Variants in CES4A observed in about 807,000 individuals in gnomAD.
The protein encoded by CES4A is carboxylesterase 4A.
CES4A carries 48 observed loss-of-function variants against 65.4 expected under a neutral mutation model. The ratio of observed to expected loss-of-function variants is 0.73; its 90% CI spans 0.58 to 0.93. The LOEUF (loss-of-function observed/expected upper bound fraction) is 0.93, where lower values mean the gene tolerates loss of function less well. Among genes scored for constraint, CES4A ranks in the 40% least tolerant of loss-of-function variants. CES4A has a pLI of 0.00. For synonymous variants in CES4A, 247 were observed against 281.8 expected, an observed-to-expected ratio of 0.88 and a Z score of 1.24; for missense variants, 685 against 728.5, an observed-to-expected ratio of 0.94 and a Z score of 0.69.
At chr16:66,995,040 G>A (rs1197167041) in intron 1 of CES4A, among the ~76,000 whole-genome samples, 2 of 149,950 alleles carry the variant, frequency 1.3e-5, no homozygotes, top group East Asian at 2.0e-4. Flanking sequence ...GGCCGGGCGT[G>A]GTGGCTCACA....
exon 9 of CES4A, chr16:67,004,190 T>G (rs2145649756): frequency 1.2e-6 from 2 of 1,614,186 alleles, no homozygotes; most frequent in East Asian, 4.5e-5. Flanking sequence ...CTTCTAGGTG[T>G]CAACAACCTG....
intron 13 of CES4A, chr16:67,007,537 A>G (rs1320222418): frequency 6.6e-6 from 1 of 152,092 alleles, no homozygotes; most frequent in Non-Finnish European, 1.5e-5. Context: ...AAGTGCTGGG[A>G]TTACAGGCAT....
At chr16:67,006,236 G>A (rs1208806316) in intron 11 of CES4A, 155 bp from the exon 12 acceptor site, 2 of 696,146 alleles carry the variant, frequency 2.9e-6, no homozygotes, top group African/African-American at 1.8e-5. Context: ...GTCACACAGT[G>A]AATGAGTAGT....
At chr16:66,996,096 G>A in intron 2 of CES4A, 1 of 560,452 alleles carries the variant, frequency 1.8e-6, no homozygotes, top group South Asian at 1.5e-5. Context: ...GGAGTGCAGT[G>A]GCACGATCTC....
At chr16:67,008,223 A>C (rs1388237311) in intron 13 of CES4A, 1 of 152,122 alleles carries the variant, frequency 6.6e-6, no homozygotes, top group African/African-American at 2.4e-5. Flanking sequence ...ACCCAGCCCA[A>C]GGGGTCTTTC....
intron 1 of CES4A, 80 bp from the exon 2 acceptor site, chr16:66,995,548 T>A: frequency 4.8e-6 from 6 of 1,252,082 alleles, no homozygotes; most frequent in Non-Finnish European, 7.0e-6. Context: ...TGGTCCCATT[T>A]GTGGCTGAGT....
intron 9 of CES4A, 115 bp from the exon 10 acceptor site, chr16:67,004,678 G>T: frequency 1.3e-6 from 1 of 790,440 alleles, no homozygotes; most frequent in Non-Finnish European, 2.1e-6. Context: ...GCTGTGTGCT[G>T]TGTCTGATAA....
rs537538592 is a variant in CES4A, at chr16:67,000,652, C to A, written c.275C>A (p.Ser92Tyr). 1.3e-6 allele frequency: 2 copies of A among 1,548,766 alleles called. No individual in the cohort carries two copies. The highest frequency in any genetic ancestry group is 1.7e-6 in the Non-Finnish European group (2 of 1,146,360). Residue 92 changes from serine to tyrosine, a missense_variant, in exon 3 of 14, where the codon TCC becomes TAC. Ser to Tyr is a moderately radical substitution (Grantham distance 144, BLOSUM62 -2). Coordinates refer to ENST00000648724, the Ensembl canonical transcript of CES4A. The surrounding 1 kb of genome is among the most constrained non-coding windows in gnomAD (Gnocchi z 4.2). ...GGTGCCCGCAGGTGCCTGCAGGAGT[C>A]CTGGGGCCAGCTGGCCTCGATGTAC...
In CES4A at chr16:66,994,840, A is replaced by C. The variant is rs920657569; in HGVS notation, c.59-788A>C. On this transcript the variant is annotated intron_variant, in intron 1 of 13. Coordinates refer to ENST00000648724, the Ensembl canonical transcript of CES4A. ...GGCAAAAACAGCGAAACTCCATCTCAAAAAAAAAAAAAAATTAGCCAGGCG... is the reference window on the plus strand; with the variant it reads ...GGCAAAAACAGCGAAACTCCATCTCCAAAAAAAAAAAAAATTAGCCAGGCG... Among the ~76,000 whole-genome samples, 99 of 88,368 alleles carry C rather than the reference A, an allele frequency of 1.1e-3. 2 individuals are homozygous for C. Among genetic ancestry groups the C allele is most frequent in the East Asian group, 7.5e-4 (2 of 2,664 alleles). 58.0% of individuals were successfully genotyped at this position (88,368 alleles called of 152,430 possible). A position where few individuals can be genotyped will look rare whatever the true frequency, so the allele number is the denominator to read the frequency against.
intron 1 of CES4A, 84 bp from the exon 2 acceptor site, chr16:66,995,544 C>T (rs1964771203): frequency 1.7e-6 from 2 of 1,196,110 alleles, no homozygotes; most frequent in Non-Finnish European, 2.5e-6. Context: ...GCCTTGGTCC[C>T]ATTTGTGGCT....
In CES4A at chr16:67,005,237, CAG is replaced by C; in HGVS notation, c.1162-1_1162del. On this transcript the variant is annotated splice_acceptor_variant, in intron 10 of 13. Transcript: ENST00000648724. LOFTEE classifies it high-confidence loss of function. ...CTCAGGTAAGTGTGGCCTCCTCACT[CAG>C]AATATCACCAAGGAGCAGGTACCAC... is the stretch of plus-strand genomic sequence containing the variant. 2 of 1,614,078 alleles carry C rather than the reference CAG, an allele frequency of 1.2e-6. No homozygotes were observed. The highest frequency in any genetic ancestry group is 1.7e-6 in the Non-Finnish European group (2 of 1,180,012).
chr16:66,991,126 G>A (rs911103748), intron 1 of CES4A, among the ~76,000 whole-genome samples: 2 of 152,136 alleles, frequency 1.3e-5, no homozygotes, highest in African/African-American at 4.8e-5. Context: ...CTGGGTTCAA[G>A]CAATTCTCCT....
chr16:67,002,955 A>T, intron 5 of CES4A, 115 bp from the exon 6 acceptor site: 1 of 825,418 alleles, frequency 1.2e-6, no homozygotes, highest in Non-Finnish European at 2.1e-6. Context: ...CCTCCCAGCT[A>T]CTTGCCCTTC....
intron 13 of CES4A, chr16:67,007,059 AC>A (rs1965822779): frequency 1.9e-6 from 1 of 517,650 alleles, no homozygotes; most frequent in African/African-American, 1.9e-5. Flanking sequence ...ACAGTCATTC[AC>A]CACTGCACTC....
chr16:66,999,427 C>T (rs1313271500), intron 2 of CES4A, among the ~76,000 whole-genome samples: 1 of 152,246 alleles, frequency 6.6e-6, no homozygotes, highest in Non-Finnish European at 1.5e-5. Flanking sequence ...GAATCTACCT[C>T]TATTCCTGCC....
intron 2 of CES4A, among the ~76,000 whole-genome samples, chr16:66,997,466 A>AC (rs373164959): frequency 6.6e-6 from 1 of 152,262 alleles, no homozygotes; most frequent in East Asian, 1.9e-4. Flanking sequence ...CTGCCTGGGT[A>AC]GTTACGGGGG....
In CES4A at chr16:67,000,971, G is replaced by A; in HGVS notation, c.517G>A (p.Gly173Ser). 2 of 1,612,944 alleles carry A rather than the reference G, an allele frequency of 1.2e-6. No individual in the cohort carries two copies. The change falls in exon 4 of 14, where the codon GGC becomes AGC. Residue 173 changes from glycine (G) to serine (S), a missense_variant. Transcript: ENST00000648724. This position sits in a 1 kb window ranked among gnomAD's most constrained non-coding sequence, Gnocchi z 4.2. Reference sequence around the variant, plus strand: ...GCTGGTGTTTCTGCAGCACAGGCTCGGCATCTTCGGCTTCCTGAGGTGGCG... The same window carrying A: ...GCTGGTGTTTCTGCAGCACAGGCTCAGCATCTTCGGCTTCCTGAGGTGGCG...
chr16:67,007,156 A>C, intron 13 of CES4A: 34 of 268,344 alleles, frequency 1.3e-4, no homozygotes, highest in Middle Eastern at 1.2e-3. Context: ...ACCACATAAA[A>C]TCAGGAAATT....
chr16:66,988,799 C>A, exon 1 of CES4A: 1 of 1,569,268 alleles, frequency 6.4e-7, no homozygotes, highest in Non-Finnish European at 8.7e-7. Context: ...GCTGGAGCCT[C>A]ACCCTCTGCC....
Sources: gnomAD v4.1 joint callset for allele counts (sites outside exome capture counted in the v4.1 genomes callset) on GRCh38, gnomAD v4.1.1 for gene constraint, Gnocchi (gnomAD v3.1) non-coding constraint, MANE v1.5 for transcripts, NCBI Gene and HGNC (gene_info 2026-07-23, HGNC 2026-07-21) for gene names.